The following COQ5 variants were observed in gnomAD, a reference collection of about 807,000 sequenced individuals.
COQ5 encodes 2-methoxy-6-polyprenyl-1,4-benzoquinol methylase, mitochondrial.
Under a neutral mutation model 40.5 loss-of-function variants are expected in COQ5, and 27 were observed. The observed-to-expected ratio is 0.67, with a 90% CI of 0.49 to 0.92. The LOEUF is 0.92. Among genes scored for constraint, COQ5 ranks in the 40% least tolerant of loss-of-function variants. The probability of loss-of-function intolerance (pLI) is 0.00; values close to 1 mark genes in which losing one functional copy is unlikely to be tolerated. For synonymous variants in COQ5, 141 were observed against 150.0 expected (o/e 0.94, Z 0.44); for missense variants, 409 against 406.4 (o/e 1.01, Z -0.06).
At chr12:120,524,813 C>CA (rs1869862626) in intron 1 of COQ5, among the ~76,000 whole-genome samples, 1 of 146,452 alleles carries the variant, frequency 6.8e-6, no homozygotes, top group Non-Finnish European at 1.5e-5. Flanking sequence ...GCGCTCTTTC[C>CA]TTTTTTTTTT....
At chr12:120,513,993 G>A (rs929251389) in intron 3 of COQ5, among the ~76,000 whole-genome samples, 4 of 152,154 alleles carry the variant, frequency 2.6e-5, no homozygotes, top group Non-Finnish European at 4.4e-5. Flanking sequence ...TTGTCTTGGT[G>A]CTTAGGAGAG....
intron 2 of COQ5, among the ~76,000 whole-genome samples, chr12:120,518,842 G>A (rs1052983012): frequency 2.0e-5 from 3 of 152,162 alleles, no homozygotes; most frequent in South Asian, 2.1e-4. Flanking sequence ...GATTACAGGC[G>A]TGAGCCAACG....
Position 120,504,992 on chromosome 12 carries a change from G to A in COQ5, c.682-9C>T. 6.2e-7 allele frequency: 1 copy of A among 1,612,186 alleles called. No homozygotes were observed. The highest frequency in any genetic ancestry group is 8.5e-7 in the Non-Finnish European group (1 of 1,178,292). Reference sequence around the variant, plus strand: ...TGAGCTTCCTGGAGTGCCTGAGCAAGACAAGGAACAACAGGACACACTCCT... The same window carrying A: ...TGAGCTTCCTGGAGTGCCTGAGCAAAACAAGGAACAACAGGACACACTCCT... On this transcript the variant is annotated splice_polypyrimidine_tract_variant and intron_variant, in intron 4 of 6. Coordinates refer to ENST00000288532, the MANE Select transcript of COQ5 (RefSeq NM_032314.4).
chr12:120,504,452 T>C (rs1338088287), intron 5 of COQ5: 2 of 262,432 alleles, frequency 7.6e-6, no homozygotes, highest in Non-Finnish European at 1.5e-5. Flanking sequence ...GTCTCACGGT[T>C]GCCCAGGCTG....
chr12:120,510,623 T>C (rs1379993367), intron 3 of COQ5, among the ~76,000 whole-genome samples: 4 of 152,210 alleles, frequency 2.6e-5, no homozygotes, highest in Non-Finnish European at 5.9e-5. Flanking sequence ...CTGTGTATTC[T>C]TGAATAAACT....
intron 1 of COQ5, chr12:120,526,462 T>C (rs946276906): frequency 4.4e-6 from 2 of 455,524 alleles, no homozygotes; most frequent in Non-Finnish European, 8.8e-6. Context: ...CTTACCAACA[T>C]GAACAAGAAA....
intron 2 of COQ5, among the ~76,000 whole-genome samples, chr12:120,519,334 G>A (rs1487905357): frequency 2.0e-5 from 3 of 152,136 alleles, no homozygotes; most frequent in Admixed American, 6.6e-5. Context: ...CAAGGTGGGC[G>A]GATCACCTTA....
At chr12:120,522,938 G>A (rs1195300758) in intron 1 of COQ5, 17 of 638,004 alleles carry the variant, frequency 2.7e-5, no homozygotes, top group Non-Finnish European at 3.9e-5. Flanking sequence ...CCCTGGCACT[G>A]TTGGCCTGCA....
chr12:120,508,979 C>T (rs1234717119), intron 4 of COQ5, among the ~76,000 whole-genome samples: 2 of 150,430 alleles, frequency 1.3e-5, no homozygotes, highest in African/African-American at 2.5e-5. Flanking sequence ...GAGCCAAGAT[C>T]GCGCCACTGC....
intron 3 of COQ5, among the ~76,000 whole-genome samples, chr12:120,511,124 GCA>G: frequency 1.3e-5 from 2 of 151,970 alleles, no homozygotes; most frequent in Admixed American, 1.3e-4. Context: ...GGGCGTGGTG[GCA>G]TGCACCTGTA....
intron 3 of COQ5, among the ~76,000 whole-genome samples, chr12:120,514,383 C>T (rs1218357183): frequency 6.6e-6 from 1 of 152,008 alleles, no homozygotes; most frequent in African/African-American, 2.4e-5. Flanking sequence ...TTGTTATATA[C>T]CACTGCCCCT....
intron 2 of COQ5, among the ~76,000 whole-genome samples, chr12:120,517,688 A>C (rs1434922298): frequency 1.3e-5 from 2 of 151,968 alleles, no homozygotes; most frequent in African/African-American, 4.8e-5. Context: ...TCTCAAAAAA[A>C]AAAACCAAAT....
In COQ5 at chr12:120,521,353, C is replaced by T. The variant is rs578108112; in HGVS notation, c.352+861G>A. ...AAGTGCTGGGAGTACAGGTGTGAGC[C>T]GCTGCGGCCAGCCAATCTGTGTATT... On this transcript the variant is annotated intron_variant, in intron 2 of 6. Coordinates refer to ENST00000288532, the MANE Select transcript of COQ5 (RefSeq NM_032314.4). Among the ~76,000 whole-genome samples the T allele has an allele frequency of 7.9e-5, 12 of 151,950 alleles. No homozygotes were observed. In the East Asian group the frequency reaches 1.6e-3, roughly 20 times the overall value.
chr12:120,506,903 G>C (rs1279276009), intron 4 of COQ5, among the ~76,000 whole-genome samples: 4 of 149,772 alleles, frequency 2.7e-5, no homozygotes, highest in Non-Finnish European at 4.5e-5. Flanking sequence ...GCACAATCTC[G>C]GCTCACTGCA....
intron 2 of COQ5, 139 bp downstream of exon 2, chr12:120,522,075 C>A: frequency 1.3e-6 from 1 of 784,948 alleles, no homozygotes; most frequent in Non-Finnish European, 2.1e-6. Flanking sequence ...TAAGTGCGTG[C>A]CTTTCTCAGA....
Position 120,504,029 on chromosome 12 carries a change from C to A in COQ5, c.823G>T (p.Ala275Ser). ...QVIPVLGEVIAGDWKSYQYLV... is the reference protein window; with the variant it reads ...QVIPVLGEVISGDWKSYQYLV... ...TACTGATAGGACTTCCAGTCTCCAG[C>A]GATGACCTCTCCCAGGACAGGGATG... Residue 275 changes from alanine (A) to serine (S), a missense_variant, in exon 6 of 7, where the codon GCT becomes TCT. Coordinates refer to ENST00000288532, the MANE Select transcript of COQ5 (RefSeq NM_032314.4). 6.2e-7 allele frequency: 1 copy of A among 1,613,770 alleles called. No individual in the cohort carries two copies. Among genetic ancestry groups the A allele is most frequent in the Non-Finnish European group, 8.5e-7 (1 of 1,179,662 alleles).
chr12:120,520,696 C>T (rs536269560), intron 2 of COQ5, among the ~76,000 whole-genome samples: 1 of 152,070 alleles, frequency 6.6e-6, no homozygotes, highest in South Asian at 2.1e-4. Flanking sequence ...GTCTTGAACT[C>T]CTAACCTCAG....
chr12:120,512,725 C>G (rs7972060), intron 3 of COQ5, among the ~76,000 whole-genome samples: 40,952 of 152,054 alleles, frequency 0.27, 6,630 homozygotes, highest in Admixed American at 0.39. Context: ...AGGGGCAACT[C>G]TGAATGTTGG....
chr12:120,528,973 C>T lies in COQ5; in HGVS notation c.169G>A (p.Glu57Lys). The T allele has an allele frequency of 3.7e-6, 6 of 1,614,162 alleles. No homozygotes were observed. The highest frequency in any genetic ancestry group is 2.2e-5 in the East Asian group (1 of 44,888). ...CCCTTCTCCTCTTCCGACACAGTCTCAAACCCAAAGTGCGTTTCCGCTGCC... is the reference window on the plus strand; with the variant it reads ...CCCTTCTCCTCTTCCGACACAGTCTTAAACCCAAAGTGCGTTTCCGCTGCC... The part of the protein sequence containing the change: ...KRAAETHFGF[E>K]TVSEEEKGGK... The change falls in exon 1 of 7, where the codon GAG becomes AAG. Residue 57 changes from glutamate to lysine, a missense_variant. By Grantham distance (56) the Glu-to-Lys change is moderately conservative (BLOSUM62 1). Transcript: ENST00000288532.
Sources: allele counts gnomAD v4.1 joint callset (sites outside exome capture counted in the v4.1 genomes callset), GRCh38; gene constraint gnomAD v4.1.1; transcripts MANE v1.5; gene names NCBI Gene and HGNC (gene_info 2026-07-23, HGNC 2026-07-21).